PTPN12: variants seen among roughly 807,000 people sequenced by gnomAD.
The protein encoded by PTPN12 is protein tyrosine phosphatase non-receptor type 12.
A neutral mutation model predicts 97.6 loss-of-function variants in PTPN12; 29 were observed. The ratio of observed to expected loss-of-function variants is 0.30; its 90% confidence interval spans 0.22 to 0.41. PTPN12 has a LOEUF of 0.41. Among genes scored for constraint, PTPN12 ranks in the 10% least tolerant of loss-of-function variants. The pLI is 1.00. For synonymous variants in PTPN12, 327 were observed against 300.4 expected (o/e 1.09, Z -0.91); for missense variants, 819 against 926.0 (o/e 0.88, Z 1.50).
chr7:77,581,711 A>G (rs988959415), intron 3 of PTPN12, among the ~76,000 whole-genome samples: 3 of 152,226 alleles, frequency 2.0e-5, no homozygotes. Context: ...GTTTTGTGAT[A>G]GCAGAGATAA....
chr7:77,607,731 C>T (rs1470976153), intron 9 of PTPN12, among the ~76,000 whole-genome samples: 1 of 150,808 alleles, frequency 6.6e-6, no homozygotes, highest in Non-Finnish European at 1.5e-5. Flanking sequence ...TTTTCCAATA[C>T]TAAATTTTCA....
Position 77,638,671 on chromosome 7 carries a change from C to T in PTPN12, c.2221C>T (p.Pro741Ser), listed in dbSNP as rs1479206055. The T allele has an allele frequency of 1.2e-6, 2 of 1,607,438 alleles. No individual in the cohort carries two copies. Among genetic ancestry groups the T allele is most frequent in the South Asian group, 1.1e-5 (1 of 89,860 alleles). Reference sequence around the variant, plus strand: ...CTATGAAATGTGCATAGAATGTCCACCTACTTTCAGTGACAAGAGAGAACA... The same window carrying T: ...CTATGAAATGTGCATAGAATGTCCATCTACTTTCAGTGACAAGAGAGAACA... ...IHYEMCIECPPTFSDKREQIS... is the reference protein window; with the variant it reads ...IHYEMCIECPSTFSDKREQIS... The change falls in exon 17 of 18, where the codon CCT becomes TCT. Residue 741 changes from proline (P) to serine (S), a missense_variant. Pro to Ser is a moderately conservative substitution (Grantham distance 74). Coordinates refer to ENST00000248594, the MANE Select transcript of PTPN12 (RefSeq NM_002835.4).
Position 77,618,562 on chromosome 7 carries a change from G to T in PTPN12, c.1022G>T (p.Arg341Leu), listed in dbSNP as rs751126065. ...CCTCCTCCAAAACCACCAAGGACCC[G>T]CAGGTATTGTATGTCTTCGAACATT... ...DSPPPKPPRT[R>L]SCLVEGDAKE... is the part of the protein sequence containing the mutation. Residue 341 changes from arginine to leucine, a missense_variant, in exon 12 of 18, where the codon CGC becomes CTC. By Grantham distance (102) the Arg-to-Leu change is moderately radical. Coordinates refer to ENST00000248594, the MANE Select transcript of PTPN12 (RefSeq NM_002835.4). The T allele has an allele frequency of 3.1e-6, 5 of 1,594,418 alleles. No individual in the cohort carries two copies. The South Asian group carries it at 3.3e-5, about 11-fold the overall frequency.
chr7:77,583,795 A>C (rs1195544125), intron 4 of PTPN12, 145 bp downstream of exon 4: 1 of 490,762 alleles, frequency 2.0e-6, no homozygotes, highest in African/African-American at 2.0e-5. Context: ...AGATGGACCC[A>C]TTTTTAGGAT....
At chr7:77,585,727 C>CA in intron 5 of PTPN12, 146 bp downstream of exon 5, 1 of 579,566 alleles carries the variant, frequency 1.7e-6, no homozygotes, top group East Asian at 3.1e-5. Flanking sequence ...ATACAAGGGA[C>CA]AAAATAATCT....
At chr7:77,538,141 C>T (rs1806755678) in intron 1 of PTPN12, 4 of 983,380 alleles carry the variant, frequency 4.1e-6, no homozygotes, top group Non-Finnish European at 4.8e-6. Flanking sequence ...TTTGCTCTAG[C>T]TGGTCTCAAA....
chr7:77,586,429 A>G (rs1787693364), intron 5 of PTPN12, among the ~76,000 whole-genome samples: 1 of 152,132 alleles, frequency 6.6e-6, no homozygotes, highest in African/African-American at 2.4e-5. Context: ...TTGATAAAAT[A>G]CAAGACAGGA....
At chr7:77,573,565 A>G (rs760247165) in intron 2 of PTPN12, among the ~76,000 whole-genome samples, 6 of 152,206 alleles carry the variant, frequency 3.9e-5, no homozygotes, top group African/African-American at 1.2e-4. Flanking sequence ...GAAGGACACA[A>G]ATATTCAGAC....
intron 1 of PTPN12, chr7:77,563,927 T>C (rs1375072551): frequency 2.3e-6 from 1 of 442,488 alleles, no homozygotes; most frequent in South Asian, 1.6e-5. Flanking sequence ...TTTTTTCTTT[T>C]TTTTTGAGAT....
At chr7:77,537,983 G>C (rs138889710) in intron 1 of PTPN12, 33 of 989,710 alleles carry the variant, frequency 3.3e-5, no homozygotes, top group East Asian at 1.9e-4. Context: ...CAGGCCGGGG[G>C]GGGGGGCTCG....
chr7:77,600,339 A>T (rs542142774), intron 7 of PTPN12, among the ~76,000 whole-genome samples: 4 of 152,300 alleles, frequency 2.6e-5, no homozygotes, highest in African/African-American at 9.6e-5. Context: ...CATGCTCTGG[A>T]AGTAGAACTG....
intron 11 of PTPN12, among the ~76,000 whole-genome samples, chr7:77,616,153 C>T (rs1349682055): frequency 2.0e-5 from 3 of 152,184 alleles, no homozygotes; most frequent in African/African-American, 4.8e-5. Context: ...TTTACCCTTC[C>T]ACCTGTTTTC....
At position 77,638,692 on chromosome 7, in the gene PTPN12, G is replaced by A. The variant is rs1789693906; in HGVS notation, c.2242G>A (p.Glu748Lys). 1.9e-6 allele frequency: 3 copies of A among 1,607,224 alleles called. No individual in the cohort carries two copies. The highest frequency in any genetic ancestry group is 2.5e-6 in the Non-Finnish European group (3 of 1,177,956). The change falls in exon 17 of 18, where the codon GAA (glutamate) becomes AAA (lysine). Residue 748 changes from glutamate to lysine, a missense_variant. Glu to Lys is a moderately conservative substitution (Grantham distance 56). Transcript: ENST00000248594. ...TCCACCTACTTTCAGTGACAAGAGA[G>A]AACAAATATCAGAAAATCCAACAGA... is the stretch of plus-strand genomic sequence containing the variant. The part of the protein sequence containing the change: ...ECPPTFSDKR[E>K]QISENPTEAT...
intron 2 of PTPN12, among the ~76,000 whole-genome samples, chr7:77,571,982 C>T (rs912189223): frequency 1.3e-5 from 2 of 152,130 alleles, no homozygotes; most frequent in Non-Finnish European, 2.9e-5. Context: ...AAGCTGCCGT[C>T]GTTTTTCTTT....
At chr7:77,634,165 A>C (rs1789503526) in intron 14 of PTPN12, among the ~76,000 whole-genome samples, 1 of 132,384 alleles carries the variant, frequency 7.6e-6, no homozygotes, top group Admixed American at 8.2e-5. Flanking sequence ...GCACCACTGT[A>C]CTCCAGTTTG....
At chr7:77,542,674 C>G (rs1404482363) in intron 1 of PTPN12, among the ~76,000 whole-genome samples, 1 of 152,012 alleles carries the variant, frequency 6.6e-6, no homozygotes, top group Admixed American at 6.6e-5. Context: ...GTATCTGTCA[C>G]CCAAGCTAGA....
chr7:77,625,484 T>G lies in PTPN12; in HGVS notation c.1026-1221T>G, dbSNP rs1156997105. ...GCCCAGGCTGCTCGCTCTCTCTCTCTCTCTCTCTCTCTCTCTCTCTCTCTC... is the reference window on the plus strand; with the variant it reads ...GCCCAGGCTGCTCGCTCTCTCTCTCGCTCTCTCTCTCTCTCTCTCTCTCTC... On this transcript the variant is annotated intron_variant, in intron 12 of 17. Coordinates refer to ENST00000248594, the MANE Select transcript of PTPN12 (RefSeq NM_002835.4). 1.3e-3 allele frequency among the ~76,000 whole-genome samples: 117 copies of G among 89,136 alleles called. 4 individuals carry two copies. Among genetic ancestry groups the G allele is most frequent in the African/African-American group, 2.1e-3 (44 of 20,728 alleles). The allele number at this position is 89,136 out of a possible 152,430, so 58.5% of individuals were successfully genotyped here.
intron 1 of PTPN12, chr7:77,538,751 A>G (rs1286137238): frequency 5.9e-5 from 9 of 151,646 alleles, no homozygotes; most frequent in Non-Finnish European, 4.4e-5. Flanking sequence ...TCTGCTGGAC[A>G]ATGTTCCCTC....
rs531946438 is a variant in PTPN12 at position 77,611,435 on chromosome 7, A to G, written c.939+389A>G. Among the ~76,000 whole-genome samples the G allele has an allele frequency of 6.6e-5, 10 of 151,890 alleles. No individual in the cohort carries two copies. The South Asian group carries it at 2.1e-3, about 32-fold the overall frequency. ...TAAAGTGTTTTAGTTATTTGTGTAT[A>G]TGCTTTTCTTTTCTTTTCTTTTTTT... On this transcript the variant is annotated intron_variant, in intron 11 of 17. Transcript: ENST00000248594.
Sources: allele counts gnomAD v4.1 joint callset (sites outside exome capture counted in the v4.1 genomes callset), GRCh38; gene constraint gnomAD v4.1.1; transcripts MANE v1.5; gene names NCBI Gene and HGNC (gene_info 2026-07-23, HGNC 2026-07-21).